Variants in PLA2G4D observed in about 807,000 individuals in gnomAD.
PLA2G4D encodes phospholipase A2 group IVD.
In PLA2G4D, 80 loss-of-function variants were observed where a neutral mutation model predicts 94.4. That is an observed-to-expected ratio of 0.85 (90% confidence interval 0.71 to 1.02). The LOEUF (loss-of-function observed/expected upper bound fraction) is 1.02. Among genes scored for constraint, PLA2G4D ranks in the 50% least tolerant of loss-of-function variants. PLA2G4D has a pLI of 0.00. For missense variants in PLA2G4D, 1,050 were observed against 1,034.7 expected (o/e 1.01, Z -0.20); for synonymous variants, 438 against 440.9 (o/e 0.99, Z 0.08).
In PLA2G4D at chr15:42,072,285, C is replaced by T. The variant is rs1889841213; in HGVS notation, c.1425G>A (p.Leu475=). Reference sequence around the variant, plus strand: ...TAGGTAGAACTGTACCCTTGAAGTCCAGTGTCTCCAGATTGTTCTCTTTGA... The same window carrying T: ...TAGGTAGAACTGTACCCTTGAAGTCTAGTGTCTCCAGATTGTTCTCTTTGA... The part of the protein sequence containing the change: ...LNVKENNLET[L]DFKEWVEFSP... Residue 475 remains leucine (L), a synonymous_variant, in exon 14 of 20, where the codon CTG becomes CTA. Transcript: ENST00000290472. 1.9e-6 allele frequency: 3 copies of T among 1,613,588 alleles called. No individual in the cohort carries two copies. The highest frequency in any genetic ancestry group is 2.5e-6 in the Non-Finnish European group (3 of 1,179,736).
At chr15:42,089,440 T>C (rs370404931) in intron 1 of PLA2G4D, among the ~76,000 whole-genome samples, 2 of 152,180 alleles carry the variant, frequency 1.3e-5, no homozygotes, top group Non-Finnish European at 2.9e-5. Context: ...CGTCCTATCA[T>C]TCCAGGCAGC....
chr15:42,086,331 A>C lies in PLA2G4D; in HGVS notation c.269T>G (p.Leu90Arg). 6.2e-7 allele frequency: 1 copy of C among 1,613,870 alleles called. No individual in the cohort carries two copies. The highest frequency in any genetic ancestry group is 8.5e-7 in the Non-Finnish European group (1 of 1,179,956). ...GACTGAGTCCTCATCATAGATGCTA[A>C]GCTCCAGAACATTCTAGGAACCAGG... is the stretch of plus-strand genomic sequence containing the variant. ...IQSQVKNVLE[L>R]SIYDEDSVTE... Residue 90 changes from leucine to arginine, a missense_variant, in exon 4 of 20, where the codon CTT becomes CGT. Leu to Arg is a moderately radical substitution (Grantham distance 102). Coordinates refer to ENST00000290472, the MANE Select transcript of PLA2G4D (RefSeq NM_178034.4).
At chr15:42,082,210 G>A in intron 9 of PLA2G4D, 69 bp downstream of exon 9, 2 of 1,368,848 alleles carry the variant, frequency 1.5e-6, no homozygotes, top group Non-Finnish European at 2.1e-6. Flanking sequence ...GGGATTACAG[G>A]CTTGAGCCAC....
intron 8 of PLA2G4D, 46 bp downstream of exon 8, chr15:42,083,152 C>A: frequency 6.3e-7 from 1 of 1,583,358 alleles, no homozygotes. Context: ...GCAGCTGGAG[C>A]TGCCCAAGCC....
rs1027545073 is a variant in PLA2G4D at position 42,082,301 on chromosome 15, G to C, written c.761C>G (p.Thr254Ser). Reference protein sequence around the residue: ...LRPLTIGKEVTMDVPAPNAPG... With the variant: ...LRPLTIGKEVSMDVPAPNAPG... ...TACATTTGGAGCAGGAACATCCATA[G>C]TCACCTCCTTCCCAATGGTCAAGGG... Residue 254 changes from threonine (T) to serine (S), a missense_variant, in exon 9 of 20, where the codon ACT (threonine) becomes AGT (serine). Coordinates refer to ENST00000290472, the MANE Select transcript of PLA2G4D (RefSeq NM_178034.4). 7 of 1,613,902 alleles carry C rather than the reference G, an allele frequency of 4.3e-6. No individual in the cohort carries two copies. Among genetic ancestry groups the C allele is most frequent in the Non-Finnish European group, 5.9e-6 (7 of 1,179,942 alleles).
At chr15:42,075,547 C>T (rs1432678545) in intron 13 of PLA2G4D, among the ~76,000 whole-genome samples, 1 of 152,036 alleles carries the variant, frequency 6.6e-6, no homozygotes, top group Non-Finnish European at 1.5e-5. Flanking sequence ...AATAAAAATC[C>T]CAACAACATT....
At chr15:42,076,534 A>G (rs1595592782) in intron 13 of PLA2G4D, among the ~76,000 whole-genome samples, 1 of 152,318 alleles carries the variant, frequency 6.6e-6, no homozygotes, top group Middle Eastern at 3.4e-3. Flanking sequence ...CAATATGAAA[A>G]AGACAAATTA....
chr15:42,087,613 A>G lies in PLA2G4D; in HGVS notation c.118+15T>C, dbSNP rs373703212. Reference sequence around the variant, plus strand: ...CCTCCCTGCTCCCGACAGAGCGCACAGGGCGGTTACTCACACAGGTCAGCC... The same window carrying G: ...CCTCCCTGCTCCCGACAGAGCGCACGGGGCGGTTACTCACACAGGTCAGCC... On this transcript the variant is annotated intron_variant, in intron 2 of 19. Coordinates refer to ENST00000290472, the MANE Select transcript of PLA2G4D (RefSeq NM_178034.4). 4 of 1,613,892 alleles carry G rather than the reference A, an allele frequency of 2.5e-6. No homozygotes were observed. The East Asian group carries it at 6.7e-5, about 27-fold the overall frequency.
At chr15:42,070,296 A>G in intron 18 of PLA2G4D, 1 of 564,152 alleles carries the variant, frequency 1.8e-6, no homozygotes, top group South Asian at 2.7e-5. Context: ...TTGTTTGGTT[A>G]AAAGCTCTAG....
At chr15:42,069,082 A>G (rs1354832824) in intron 19 of PLA2G4D, 141 bp from the exon 20 acceptor site, 6 of 681,564 alleles carry the variant, frequency 8.8e-6, no homozygotes, top group Non-Finnish European at 1.5e-5. Flanking sequence ...AGGAATGTAA[A>G]TGTGGGTGGC....
In PLA2G4D at chr15:42,081,033, C is replaced by G; in HGVS notation, c.1058G>C (p.Cys353Ser). The G allele has an allele frequency of 6.2e-7, 1 of 1,614,166 alleles. No homozygotes were observed. The highest frequency in any genetic ancestry group is 1.3e-5 in the African/African-American group (1 of 75,052). Residue 353 changes from cysteine (C) to serine (S), a missense_variant, in exon 12 of 20, where the codon TGT (cysteine) becomes TCT (serine). Coordinates refer to ENST00000290472, the MANE Select transcript of PLA2G4D (RefSeq NM_178034.4). ...AGAGATGCCACTGAAGTAGGTCACA[C>G]AGTCTAGGAGGCCCAGCTTCTGCAA... ...LALQKLGLLD[C>S]VTYFSGISGS...
intron 5 of PLA2G4D, 99 bp downstream of exon 5, chr15:42,085,392 G>T: frequency 7.3e-7 from 1 of 1,374,496 alleles, no homozygotes; most frequent in Non-Finnish European, 1.0e-6. Context: ...GGAGATGAGG[G>T]ACAGTCAGGC....
rs368349245 is a variant in PLA2G4D at position 42,070,062 on chromosome 15, G to T, written c.2077C>A (p.Arg693=). Residue 693 remains arginine (R), a synonymous_variant, in exon 19 of 20, where the codon CGG becomes AGG. Transcript: ENST00000290472. ...TCCACCCGGGGGAAGGGCAGCCCCC[G>T]GGCCCGGCAGTACAGCTCCGTCTGC... ...LQQTELYCRA[R]GLPFPRVEPS... 2.0e-6 allele frequency: 3 copies of T among 1,522,410 alleles called. No individual in the cohort carries two copies. The highest frequency in any genetic ancestry group is 1.8e-6 in the Non-Finnish European group (2 of 1,135,122). 94.3% of individuals were successfully genotyped at this position (1,522,410 alleles called of 1,614,324 possible). A position where few individuals can be genotyped will look rare whatever the true frequency, so the allele number is the denominator to read the frequency against.
intron 1 of PLA2G4D, among the ~76,000 whole-genome samples, chr15:42,091,489 TG>T (rs1401594138): frequency 6.6e-6 from 1 of 152,218 alleles, no homozygotes. Context: ...CGCCAGCGTC[TG>T]GGAAGATGCC....
rs1425932553 is a variant in PLA2G4D at position 42,081,144 on chromosome 15, C to T, written c.958-11G>A. On this transcript the variant is annotated splice_polypyrimidine_tract_variant and intron_variant, in intron 11 of 19. Transcript: ENST00000290472. ...GCCCACAACGGGTACCTGGACCACACACAGACAGGCTGGATTAACAAGGAA... is the reference window on the plus strand; with the variant it reads ...GCCCACAACGGGTACCTGGACCACATACAGACAGGCTGGATTAACAAGGAA... 3.1e-6 allele frequency: 5 copies of T among 1,611,428 alleles called. No individual in the cohort carries two copies. Among genetic ancestry groups the T allele is most frequent in the African/African-American group, 2.7e-5 (2 of 74,880 alleles).
At position 42,067,247 on chromosome 15, in the gene PLA2G4D, T is replaced by G. The variant is rs1889703441; in HGVS notation, c.*1468A>C. On this transcript the variant is annotated 3_prime_UTR_variant, in exon 20 of 20. Transcript: ENST00000290472. ...CCTTGCATGAGGGAGGTAAGAAATG[T>G]GCTAGCAGCTGGCCGTGGTGGCTCA... 1 of 152,244 alleles carries G rather than the reference T, an allele frequency of 6.6e-6. No individual in the cohort carries two copies. The highest frequency in any genetic ancestry group is 1.5e-5 in the Non-Finnish European group (1 of 68,098). 9.4% of individuals were successfully genotyped at this position (152,244 alleles called of 1,614,324 possible). A position where few individuals can be genotyped will look rare whatever the true frequency, so the allele number is the denominator to read the frequency against.
intron 18 of PLA2G4D, chr15:42,070,322 TC>T (rs1889779542): frequency 5.7e-6 from 3 of 529,636 alleles, no homozygotes; most frequent in Non-Finnish European, 9.7e-6. Context: ...GTCAGACCCA[TC>T]CCCCAGCCCC....
chr15:42,073,948 G>A (rs936088851), intron 13 of PLA2G4D, among the ~76,000 whole-genome samples: 5 of 152,134 alleles, frequency 3.3e-5, no homozygotes, highest in Non-Finnish European at 7.4e-5. Context: ...ATGGTCCCCA[G>A]TATGAATTAC....
intron 4 of PLA2G4D, 55 bp from the exon 5 acceptor site, chr15:42,085,586 G>T: frequency 1.3e-6 from 2 of 1,567,422 alleles, no homozygotes; most frequent in South Asian, 1.1e-5. Context: ...CTTCAGAGTT[G>T]ACACAGTTCT....
Sources: gnomAD v4.1 joint callset for allele counts (sites outside exome capture counted in the v4.1 genomes callset) on GRCh38, gnomAD v4.1.1 for gene constraint, MANE v1.5 for transcripts, NCBI Gene and HGNC (gene_info 2026-07-23, HGNC 2026-07-21) for gene names.